PCDH11X: variants seen among roughly 807,000 people sequenced by gnomAD.
PCDH11X encodes the protein protocadherin-11 X-linked.
PCDH11X carries 18 observed loss-of-function variants against 53.3 expected under a neutral mutation model. That is an observed-to-expected ratio of 0.34 (90% CI 0.23 to 0.50). The LOEUF (loss-of-function observed/expected upper bound fraction) is 0.50, where lower values mean the gene tolerates loss of function less well. PCDH11X is among the 20% of genes least tolerant of loss of function. PCDH11X has a pLI of 0.98. For synonymous variants in PCDH11X, 279 were observed against 393.3 expected (o/e 0.71, Z 3.44); for missense variants, 570 against 1,032.4 (o/e 0.55, Z 6.14).
intron 10 of PCDH11X, among the ~76,000 whole-genome samples, chrX:92,615,321 A>T (rs754226211): frequency 1.3e-4 from 15 of 111,334 alleles, no homozygotes; most frequent in African/African-American, 4.6e-4. Context: ...TGGGCGCTCC[A>T]GATGCTTGGA....
intron 7 of PCDH11X, among the ~76,000 whole-genome samples, chrX:92,216,845 G>A (rs1349173198): frequency 9.5e-6 from 1 of 104,802 alleles, no homozygotes; most frequent in Admixed American, 1.0e-4. Flanking sequence ...CAGACTAACA[G>A]CGGATCTCTC....
At chrX:91,843,796 T>C (rs1476719344) in intron 5 of PCDH11X, among the ~76,000 whole-genome samples, 1 of 111,693 alleles carries the variant, frequency 9.0e-6, no homozygotes, top group Non-Finnish European at 1.9e-5. Context: ...AGGTTTGCAA[T>C]TATGGCAGTT....
intron 6 of PCDH11X, among the ~76,000 whole-genome samples, chrX:91,982,258 T>C (rs2062151458): frequency 9.3e-6 from 1 of 107,744 alleles, no homozygotes; most frequent in Non-Finnish European, 1.9e-5. Flanking sequence ...GTACACACCA[T>C]CAAGCAGCAA....
rs1402253353 is a variant in PCDH11X, at chrX:92,230,459, A to ATAT, written c.3114+29004_3114+29005insTAT. 2.7e-3 allele frequency among the ~76,000 whole-genome samples: 241 copies of ATAT among 89,555 alleles called. 4 individuals carry two copies. Among genetic ancestry groups the ATAT allele is most frequent in the African/African-American group, 7.4e-3 (181 of 24,298 alleles). The allele number at this position is 89,555 out of a possible 115,157, so 77.8% of individuals were successfully genotyped here. A position where few individuals can be genotyped will look rare whatever the true frequency, so the allele number is the denominator to read the frequency against. On this transcript the variant is annotated intron_variant, in intron 7 of 10. Coordinates refer to ENST00000682573, the MANE Select transcript of PCDH11X (RefSeq NM_032968.5). ...TATTATATATTTATATATAATTTAT[A>ATAT]AAATATATATTATATATAATATATA...
chrX:92,518,719 G>A (rs2074311254), intron 10 of PCDH11X, among the ~76,000 whole-genome samples: 1 of 108,704 alleles, frequency 9.2e-6, no homozygotes, highest in Admixed American at 1.0e-4. Context: ...AAATCTTGCA[G>A]GGAACATTCA....
intron 8 of PCDH11X, among the ~76,000 whole-genome samples, chrX:92,317,036 G>GA (rs1219366861): frequency 4.5e-5 from 5 of 111,110 alleles, no homozygotes; most frequent in Non-Finnish European, 7.6e-5. Flanking sequence ...GGTCAAGGGG[G>GA]AAAAAAACAG....
intron 6 of PCDH11X, among the ~76,000 whole-genome samples, chrX:92,073,480 C>A (rs765964951): frequency 4.6e-4 from 52 of 112,425 alleles, no homozygotes; most frequent in Middle Eastern, 4.6e-3. Context: ...ATATCTAATA[C>A]AATGAGTGGA....
At chrX:92,430,163 C>T (rs892983421) in intron 9 of PCDH11X, among the ~76,000 whole-genome samples, 1 of 93,372 alleles carries the variant, frequency 1.1e-5, no homozygotes, top group Non-Finnish European at 2.3e-5. Context: ...TCTTAATATG[C>T]GTAATATTTC....
chrX:92,155,617 CTTTTTTTTTTTTT>C (rs775178966), intron 6 of PCDH11X, among the ~76,000 whole-genome samples: 13 of 79,702 alleles, frequency 1.6e-4, no homozygotes, highest in Non-Finnish European at 1.6e-4. Context: ...ACTTCAATAG[CTTTTTTTTTTTTT>C]TTTTTTTTTT....
chrX:92,184,568 C>T (rs1258406318), intron 6 of PCDH11X, among the ~76,000 whole-genome samples: 1 of 111,422 alleles, frequency 9.0e-6, no homozygotes, highest in Admixed American at 9.6e-5. Context: ...TATTAGATGA[C>T]CTGACTTCAA....
intron 9 of PCDH11X, among the ~76,000 whole-genome samples, chrX:92,435,091 C>A: frequency 9.1e-6 from 1 of 110,241 alleles, no homozygotes; most frequent in Non-Finnish European, 1.9e-5. Flanking sequence ...AAAACCAAGT[C>A]CAGGAAAACT....
rs192191146 is a variant in PCDH11X, at chrX:91,878,553, C to T, written c.2313C>T (p.Phe771=). 6.6e-6 allele frequency: 8 copies of T among 1,208,959 alleles called. No individual in the cohort carries two copies. Among genetic ancestry groups the T allele is most frequent in the Admixed American group, 2.2e-5 (1 of 45,532 alleles). The stretch of plus-strand genomic sequence containing the variant: ...TCAGTGTTGTAATTGTCAATCTGTT[C>T]GTGAATGAGTCGGTGACCAATGCTA... ...SLFSVVIVNL[F]VNESVTNATL... is the part of the protein sequence containing the mutation. Residue 771 remains phenylalanine, a synonymous_variant, in exon 6 of 11, where the codon TTC becomes TTT. Coordinates refer to ENST00000682573, the MANE Select transcript of PCDH11X (RefSeq NM_032968.5).
At chrX:91,900,170 C>T (rs187350829) in intron 6 of PCDH11X, among the ~76,000 whole-genome samples, 6 of 110,931 alleles carry the variant, frequency 5.4e-5, no homozygotes, top group Admixed American at 9.6e-5. Flanking sequence ...TCTCGGTAGT[C>T]GGGGTCAGTT....
rs34913850 is a variant in PCDH11X at position 92,186,628 on chromosome X, C to CAAAA, written c.3034-14731_3034-14728dup. ...GGGCAACAAGAGCGAAACTCCGTCT[C>CAAAA]AAAAAAAAAAAAAAAAAAAGAGAAT... On this transcript the variant is annotated intron_variant, in intron 6 of 10. Transcript: ENST00000682573. Among the ~76,000 whole-genome samples, 388 of 63,450 alleles carry CAAAA rather than the reference C, an allele frequency of 6.1e-3. 7 individuals carry two copies. The highest frequency in any genetic ancestry group is 0.025 in the African/African-American group (372 of 15,000). 55.1% of individuals were successfully genotyped at this position (63,450 alleles called of 115,157 possible).
At chrX:92,256,022 C>T (rs2067572326) in intron 7 of PCDH11X, among the ~76,000 whole-genome samples, 1 of 112,188 alleles carries the variant, frequency 8.9e-6, no homozygotes, top group South Asian at 3.7e-4. Context: ...GGCGGGCGCC[C>T]CTCCCCCAGC....
intron 9 of PCDH11X, among the ~76,000 whole-genome samples, chrX:92,425,054 T>C (rs1310030816): frequency 1.3e-5 from 1 of 77,328 alleles, no homozygotes; most frequent in African/African-American, 3.5e-5. Context: ...TCTAGAAGTG[T>C]TGGAGAAACT....
Position 92,189,906 on chromosome X carries a change from G to C in PCDH11X, c.3034-11469G>C, listed in dbSNP as rs929330078. 4.5e-5 allele frequency among the ~76,000 whole-genome samples: 5 copies of C among 111,413 alleles called. No individual in the cohort carries two copies. In the Admixed American group the frequency reaches 4.8e-4, roughly 11 times the overall value. ...TCATGTCCTTTGCCCAATTCTTAAT[G>C]GGGTTGTTTGTTTTTGTCTTACATA... On this transcript the variant is annotated intron_variant, in intron 6 of 10. Transcript: ENST00000682573.
rs886148965 is a variant in PCDH11X at position 92,245,679 on chromosome X, G to A, written c.3115-17435G>A. 4.5e-5 allele frequency among the ~76,000 whole-genome samples: 5 copies of A among 111,836 alleles called. No homozygotes were observed. The Admixed American group carries it at 4.8e-4, about 11-fold the overall frequency. ...AGGAGACAAAAATTTATCCTAAGCT[G>A]TAGATTTCCCAGCTTTGACACATTG... is the stretch of plus-strand genomic sequence containing the variant. On this transcript the variant is annotated intron_variant, in intron 7 of 10. Transcript: ENST00000682573.
chrX:92,201,459 T>C lies in PCDH11X; in HGVS notation c.3114+4T>C. On this transcript the variant is annotated splice_donor_region_variant and intron_variant, in intron 7 of 10. Transcript: ENST00000682573. ...CTGGATTCATCCCCAACCACAGGTA[T>C]GGCAAAAGCCCTATGATTTTTCCTC... is the stretch of plus-strand genomic sequence containing the variant. 8.8e-7 allele frequency: 1 copy of C among 1,141,290 alleles called. No individual in the cohort carries two copies. The highest frequency in any genetic ancestry group is 1.2e-6 in the Non-Finnish European group (1 of 842,123). 94.1% of individuals were successfully genotyped at this position (1,141,290 alleles called of 1,213,427 possible).
Sources: gnomAD v4.1 joint callset for allele counts (sites outside exome capture counted in the v4.1 genomes callset) on GRCh38, gnomAD v4.1.1 for gene constraint, MANE v1.5 for transcripts, NCBI Gene and HGNC (gene_info 2026-07-23, HGNC 2026-07-21) for gene names.